Variants in PACS2 observed in about 807,000 individuals in gnomAD.
PACS2 encodes PACS1-like protein.
A neutral mutation model predicts 113.0 loss-of-function variants in PACS2; 36 were observed. That is an observed-to-expected ratio of 0.32 (90% CI 0.24 to 0.42). PACS2 has a LOEUF of 0.42. PACS2 is among the 10% of genes least tolerant of loss of function. The pLI is 1.00. For missense variants in PACS2, 1,015 were observed against 1,239.5 expected, an observed-to-expected ratio of 0.82 and a Z score of 2.72; for synonymous variants, 589 against 536.1, an observed-to-expected ratio of 1.10 and a Z score of -1.36.
At chr14:105,303,903 A>G (rs186587993) in intron 1 of PACS2, among the ~76,000 whole-genome samples, 1 of 152,298 alleles carries the variant, frequency 6.6e-6, no homozygotes. Flanking sequence ...GCCCTTGAGG[A>G]TGTGAGGGGT....
At position 105,376,617 on chromosome 14, in the gene PACS2, CAG is replaced by C. The variant is rs1286163706; in HGVS notation, c.802-149_802-148del. On this transcript the variant is annotated intron_variant, in intron 8 of 24. Coordinates refer to ENST00000447393, the MANE Select transcript of PACS2 (RefSeq NM_001100913.3). The surrounding 1 kb of genome is among the most constrained non-coding windows in gnomAD (Gnocchi z 4.7). ...TCGGTGATCATCCCGAGCTCCAAGA[CAG>C]AAGCTGGACTACAGCCGTGCTGAGT... 2 of 659,370 alleles carry C rather than the reference CAG, an allele frequency of 3.0e-6. No homozygotes were observed. Among genetic ancestry groups the C allele is most frequent in the Non-Finnish European group, 5.1e-6 (2 of 393,982 alleles). 40.8% of individuals were successfully genotyped at this position (659,370 alleles called of 1,614,324 possible). A position where few individuals can be genotyped will look rare whatever the true frequency, so the allele number is the denominator to read the frequency against.
chr14:105,302,065 A>G (rs2058050495), intron 1 of PACS2, among the ~76,000 whole-genome samples: 1 of 151,630 alleles, frequency 6.6e-6, no homozygotes, highest in African/African-American at 2.4e-5. Flanking sequence ...CTTGAACCTG[A>G]GAGGTGGAGG....
intron 1 of PACS2, among the ~76,000 whole-genome samples, chr14:105,333,879 G>A (rs1401703738): frequency 1.3e-5 from 2 of 152,210 alleles, no homozygotes; most frequent in African/African-American, 4.8e-5. Context: ...CCCAGAGGGG[G>A]TTCTGGGAGC....
Position 105,355,101 on chromosome 14 carries a change from A to G in PACS2, c.347A>G (p.Gln116Arg). ...REGNKLQIML[Q>R]RRKRYKNRTI... ...GGCAACAAGCTTCAGATCATGCTGCAGCGCAGAAAGCGCTACAAGAACAGA... is the reference window on the plus strand; with the variant it reads ...GGCAACAAGCTTCAGATCATGCTGCGGCGCAGAAAGCGCTACAAGAACAGA... The change falls in exon 4 of 25, where the codon CAG (glutamine) becomes CGG (arginine). Residue 116 changes from glutamine to arginine, a missense_variant. This residue lies in a region of PACS2 where 16 missense variants were observed against 47.6 expected (regional missense o/e 0.34). Coordinates refer to ENST00000447393, the MANE Select transcript of PACS2 (RefSeq NM_001100913.3). This position sits in a 1 kb window ranked among gnomAD's most constrained non-coding sequence, Gnocchi z 4.1. 6.2e-7 allele frequency: 1 copy of G among 1,613,648 alleles called. No individual in the cohort carries two copies. The highest frequency in any genetic ancestry group is 8.5e-7 in the Non-Finnish European group (1 of 1,179,898).
At chr14:105,378,647 C>A (rs1345218012) in intron 9 of PACS2, among the ~76,000 whole-genome samples, 2 of 152,260 alleles carry the variant, frequency 1.3e-5, no homozygotes, top group East Asian at 3.8e-4. Context: ...CTCAAGCGAA[C>A]CACCTGCCTT....
At chr14:105,391,176 C>T (rs2081343278) in intron 20 of PACS2, 31 bp from the exon 21 acceptor site, 1 of 1,594,408 alleles carries the variant, frequency 6.3e-7, no homozygotes, top group Non-Finnish European at 8.6e-7. Flanking sequence ...AATTGCACGG[C>T]TTTCACCAGC....
Position 105,377,027 on chromosome 14 carries a change from G to T in PACS2, c.959+102G>T, listed in dbSNP as rs1046041094. On this transcript the variant is annotated intron_variant, in intron 9 of 24. Coordinates refer to ENST00000447393, the MANE Select transcript of PACS2 (RefSeq NM_001100913.3). Reference sequence around the variant, plus strand: ...CCATGTCCAGCCCTGGAGACGGGGTGGGCAGGGCCAGCTGCCTCGAAGCCT... The same window carrying T: ...CCATGTCCAGCCCTGGAGACGGGGTTGGCAGGGCCAGCTGCCTCGAAGCCT... 14 of 1,278,108 alleles carry T rather than the reference G, an allele frequency of 1.1e-5. No individual in the cohort carries two copies. In the South Asian group the frequency reaches 2.0e-4, roughly 19 times the overall value. 79.2% of individuals were successfully genotyped at this position (1,278,108 alleles called of 1,614,324 possible).
At chr14:105,353,488 C>T (rs1483596118) in intron 3 of PACS2, among the ~76,000 whole-genome samples, 3 of 152,128 alleles carry the variant, frequency 2.0e-5, no homozygotes, top group Admixed American at 6.5e-5. Flanking sequence ...TCATCATTGC[C>T]ATCAGTGTCC....
intron 4 of PACS2, among the ~76,000 whole-genome samples, chr14:105,364,478 C>T (rs2060872459): frequency 9.1e-6 from 1 of 109,620 alleles, no homozygotes; most frequent in South Asian, 3.2e-4. Flanking sequence ...CCCGGGTGCG[C>T]GGTGGGTGGC....
chr14:105,346,141 A>G (rs974508715), intron 1 of PACS2, among the ~76,000 whole-genome samples: 21 of 152,176 alleles, frequency 1.4e-4, no homozygotes, highest in Admixed American at 1.1e-3. Context: ...CAGGCTTGTC[A>G]CACTCATTGT....
At chr14:105,385,095 G>A in intron 18 of PACS2, 108 bp downstream of exon 18, 1 of 749,458 alleles carries the variant, frequency 1.3e-6, no homozygotes, top group Non-Finnish European at 2.3e-6. Flanking sequence ...GCAGAGCCCT[G>A]CACCGGGCTT....
At chr14:105,393,161 G>C (rs2081418339) in intron 23 of PACS2, 61 bp from the exon 24 acceptor site, 1 of 1,317,748 alleles carries the variant, frequency 7.6e-7, no homozygotes, top group Non-Finnish European at 1.1e-6. Flanking sequence ...CGTACCCCTG[G>C]CCCTGGCCCC....
intron 1 of PACS2, among the ~76,000 whole-genome samples, chr14:105,308,458 G>A (rs2058253681): frequency 6.6e-6 from 1 of 151,906 alleles, no homozygotes. Flanking sequence ...CTCCAGCCTG[G>A]GCACGACAGA....
intron 19 of PACS2, 100 bp from the exon 20 acceptor site, chr14:105,389,861 C>T: frequency 9.1e-7 from 1 of 1,097,538 alleles, no homozygotes; most frequent in Non-Finnish European, 1.4e-6. Flanking sequence ...AGGGCCGCGG[C>T]CCCAGGGCTG....
Position 105,348,639 on chromosome 14 carries a change from G to T in PACS2, c.207+59G>T. Reference sequence around the variant, plus strand: ...TGCTGTGTAGGCTTTCCATGTGCCTGGGAGACGAGTCAGGCGGTGCGCTAC... The same window carrying T: ...TGCTGTGTAGGCTTTCCATGTGCCTTGGAGACGAGTCAGGCGGTGCGCTAC... On this transcript the variant is annotated intron_variant, in intron 2 of 24. Transcript: ENST00000447393. The surrounding 1 kb of genome is among the most constrained non-coding windows in gnomAD (Gnocchi z 6.4). 2.4e-6 allele frequency: 3 copies of T among 1,257,542 alleles called. No homozygotes were observed. Among genetic ancestry groups the T allele is most frequent in the Non-Finnish European group, 3.5e-6 (3 of 861,864 alleles). The allele number at this position is 1,257,542 out of a possible 1,614,324, so 77.9% of individuals were successfully genotyped here. A position where few individuals can be genotyped will look rare whatever the true frequency, so the allele number is the denominator to read the frequency against.
rs782474931 is a variant in PACS2 at position 105,385,635 on chromosome 14, T to C, written c.2001-50T>C. 3 of 1,412,158 alleles carry C rather than the reference T, an allele frequency of 2.1e-6. No individual in the cohort carries two copies. The South Asian group carries it at 4.0e-5, about 19-fold the overall frequency. 87.5% of individuals were successfully genotyped at this position (1,412,158 alleles called of 1,614,324 possible). A position where few individuals can be genotyped will look rare whatever the true frequency, so the allele number is the denominator to read the frequency against. ...CCCTCGGCGGTCCCTGGAGGGGTCC[T>C]GAGGGCGTCGTAACGTGTCTGTTTT... On this transcript the variant is annotated intron_variant, in intron 18 of 24. Coordinates refer to ENST00000447393, the MANE Select transcript of PACS2 (RefSeq NM_001100913.3).
In PACS2 at chr14:105,383,424, T is replaced by C; in HGVS notation, c.1691T>C (p.Leu564Pro). Residue 564 changes from leucine (L) to proline (P), a missense_variant, in exon 16 of 25, where the codon CTC (leucine) becomes CCC (proline). Around this residue, in one of 3 missense-constraint regions of PACS2, gnomAD observed 859 missense variants for 1,056.8 expected, o/e 0.81. Transcript: ENST00000447393. ...KIAVAGAQHYLSAILRLFVEQ... is the reference protein window; with the variant it reads ...KIAVAGAQHYPSAILRLFVEQ... ...GCCGTGGCGGGAGCGCAGCATTACCTCAGTGCCATCCTGCGGCTCTTTGTG... is the reference window on the plus strand; with the variant it reads ...GCCGTGGCGGGAGCGCAGCATTACCCCAGTGCCATCCTGCGGCTCTTTGTG... 6.2e-7 allele frequency: 1 copy of C among 1,608,240 alleles called. No individual in the cohort carries two copies.
At chr14:105,333,848 G>T (rs1255650247) in intron 1 of PACS2, among the ~76,000 whole-genome samples, 1 of 152,234 alleles carries the variant, frequency 6.6e-6, no homozygotes, top group African/African-American at 2.4e-5. Context: ...CCTGCAGTGT[G>T]AGGCGTGGCC....
chr14:105,326,543 G>A (rs1209631514), intron 1 of PACS2, among the ~76,000 whole-genome samples: 3 of 152,222 alleles, frequency 2.0e-5, no homozygotes, highest in Admixed American at 6.5e-5. Context: ...AGTGCCCGCC[G>A]GTGCCTCTAG....
Sources: allele counts gnomAD v4.1 joint callset (sites outside exome capture counted in the v4.1 genomes callset), GRCh38; gene constraint gnomAD v4.1.1; regional missense constraint gnomAD v4.1.1; non-coding constraint Gnocchi (gnomAD v3.1); transcripts MANE v1.5; gene names NCBI Gene and HGNC (gene_info 2026-07-23, HGNC 2026-07-21).